EDNRB: variants seen among roughly 807,000 people sequenced by gnomAD.
The protein encoded by EDNRB is Hirschsprung disease 2.
A neutral mutation model predicts 46.4 loss-of-function variants in EDNRB; 18 were observed. The ratio of observed to expected loss-of-function variants is 0.39; its 90% CI spans 0.27 to 0.57. The LOEUF is 0.57. Among genes scored for constraint, EDNRB ranks in the 20% least tolerant of loss-of-function variants. The probability of loss-of-function intolerance (pLI) is 0.61; values close to 1 mark genes in which losing one functional copy is unlikely to be tolerated. For synonymous variants in EDNRB, 213 were observed against 204.9 expected, an observed-to-expected ratio of 1.04 and a Z score of -0.34; for missense variants, 434 against 537.5, an observed-to-expected ratio of 0.81 and a Z score of 1.90.
At chr13:77,969,685 G>A (rs1881675129) in intron 1 of EDNRB, among the ~76,000 whole-genome samples, 1 of 152,168 alleles carries the variant, frequency 6.6e-6, no homozygotes, top group Admixed American at 6.5e-5. Flanking sequence ...TTACCCGCCT[G>A]CACCATTTTC....
chr13:77,961,544 G>A (rs1011927214), intron 1 of EDNRB, among the ~76,000 whole-genome samples: 6 of 152,262 alleles, frequency 3.9e-5, no homozygotes, highest in East Asian at 1.9e-4. Flanking sequence ...GGTACATAAC[G>A]AAATGAAGGC....
intron 1 of EDNRB, among the ~76,000 whole-genome samples, chr13:77,943,394 CTCTT>C (rs1880807837): frequency 6.6e-6 from 1 of 152,116 alleles, no homozygotes; most frequent in Admixed American, 6.5e-5. Context: ...TTTCATCTCT[CTCTT>C]TATAATCCTT....
At chr13:77,964,724 A>G (rs966040853) in intron 1 of EDNRB, among the ~76,000 whole-genome samples, 3 of 152,194 alleles carry the variant, frequency 2.0e-5, no homozygotes, top group Admixed American at 6.5e-5. Context: ...ACATGTATAC[A>G]TATGTAACAA....
chr13:77,918,941 C>G (rs1879967652), upstream of EDNRB: 1 of 1,162,238 alleles, frequency 8.6e-7, no homozygotes, highest in Non-Finnish European at 1.1e-6. The surrounding 1 kb of genome is among the most constrained non-coding windows in gnomAD (Gnocchi z 4.5). Context: ...CGAACTCTTT[C>G]ACGTAACGGG....
Position 77,918,031 on chromosome 13 carries a change from C to G in EDNRB, c.483+60G>C, listed in dbSNP as rs561795467. Reference sequence around the variant, plus strand: ...CTCCCTCTACAAGCTTTCTCATCTCCCCGTCTCCAACCAGGCCCCCTTCCT... The same window carrying G: ...CTCCCTCTACAAGCTTTCTCATCTCGCCGTCTCCAACCAGGCCCCCTTCCT... On this transcript the variant is annotated intron_variant, in intron 1 of 6. Transcript: ENST00000646607. This position sits in a 1 kb window ranked among gnomAD's most constrained non-coding sequence, Gnocchi z 4.5. 2.5e-6 allele frequency: 4 copies of G among 1,612,098 alleles called. No homozygotes were observed. The highest frequency in any genetic ancestry group is 3.4e-6 in the Non-Finnish European group (4 of 1,179,882).
At chr13:77,947,272 T>C (rs1880949423) in intron 1 of EDNRB, among the ~76,000 whole-genome samples, 1 of 151,700 alleles carries the variant, frequency 6.6e-6, no homozygotes, top group Admixed American at 6.6e-5. Context: ...GATTTCCTAT[T>C]GGATGACCAC....
At chr13:77,909,738 T>G (rs1209070586) in intron 1 of EDNRB, among the ~76,000 whole-genome samples, 1 of 152,094 alleles carries the variant, frequency 6.6e-6, no homozygotes, top group African/African-American at 2.4e-5. Context: ...GATGAGTGGA[T>G]GAATGAATTT....
chr13:77,950,325 G>A (rs1881056196), intron 1 of EDNRB, among the ~76,000 whole-genome samples: 1 of 152,174 alleles, frequency 6.6e-6, no homozygotes, highest in Non-Finnish European at 1.5e-5. Flanking sequence ...AGGTTGATAG[G>A]AGGCTCCACT....
chr13:77,942,156 A>G (rs1167818858), intron 1 of EDNRB, among the ~76,000 whole-genome samples: 1 of 152,136 alleles, frequency 6.6e-6, no homozygotes, highest in African/African-American at 2.4e-5. Flanking sequence ...CTTGAGCACA[A>G]TCCCTGAAAT....
At chr13:77,905,591 A>G (rs916068967) in intron 1 of EDNRB, among the ~76,000 whole-genome samples, 1 of 151,960 alleles carries the variant, frequency 6.6e-6, no homozygotes, top group Admixed American at 6.6e-5. Flanking sequence ...AAACACATAC[A>G]TACTTAAAAT....
In EDNRB at chr13:77,896,574, CA is replaced by C. The variant is rs747520680; in HGVS notation, c.*1625del. On this transcript the variant is annotated 3_prime_UTR_variant, in exon 7 of 7. Transcript: ENST00000646607. ...GTGGCCCAGCCTATTAAAAGAAAAA[CA>C]AAGTAAAAATTTGGGCATATTTTAA... is the stretch of plus-strand genomic sequence containing the variant. The C allele has an allele frequency of 3.2e-6, 5 of 1,546,450 alleles. No homozygotes were observed. Among genetic ancestry groups the C allele is most frequent in the Non-Finnish European group, 4.4e-6 (5 of 1,144,926 alleles).
intron 1 of EDNRB, among the ~76,000 whole-genome samples, chr13:77,970,859 T>A (rs1432158276): frequency 1.3e-5 from 2 of 152,192 alleles, no homozygotes; most frequent in Non-Finnish European, 2.9e-5. Context: ...ACTTGATGTA[T>A]ACACTGGGAA....
Position 77,903,483 on chromosome 13 carries a change from A to G in EDNRB, c.596+12T>C. ...TATTCAGAATATACTTGGATTAAAT[A>G]GAAGCTTCTACCTGTCAATACTCAG... On this transcript the variant is annotated intron_variant, in intron 2 of 6. Coordinates refer to ENST00000646607, the MANE Select transcript of EDNRB (RefSeq NM_001122659.3). 6 of 1,612,134 alleles carry G rather than the reference A, an allele frequency of 3.7e-6. No homozygotes were observed. The highest frequency in any genetic ancestry group is 5.1e-6 in the Non-Finnish European group (6 of 1,178,622).
At chr13:77,908,021 C>CAAAAA (rs1215042889) in intron 1 of EDNRB, among the ~76,000 whole-genome samples, 1 of 55,104 alleles carries the variant, frequency 1.8e-5, no homozygotes, top group African/African-American at 6.3e-5. Context: ...AAAGAGACTG[C>CAAAAA]AAAAAAAAAA....
At chr13:77,950,172 A>G (rs550890432) in intron 1 of EDNRB, among the ~76,000 whole-genome samples, 3 of 152,192 alleles carry the variant, frequency 2.0e-5, no homozygotes, top group Non-Finnish European at 4.4e-5. Context: ...AAACTTATCT[A>G]TGAATTTTCC....
chr13:77,900,083 T>G (rs1296559426), intron 5 of EDNRB, 116 bp from the exon 6 acceptor site: 17 of 807,572 alleles, frequency 2.1e-5, no homozygotes, highest in Non-Finnish European at 2.1e-6. Flanking sequence ...GGTTCTAAAT[T>G]TATCACTCGT....
At position 77,918,564 on chromosome 13, in the gene EDNRB, G is replaced by C. The variant is rs777992864; in HGVS notation, c.10C>G (p.Pro4Ala). The change falls in exon 1 of 7, where the codon CCT becomes GCT. Residue 4 changes from proline (P) to alanine (A), a missense_variant. Pro to Ala is a conservative substitution (Grantham distance 27, BLOSUM62 -1). Transcript: ENST00000646607. The surrounding 1 kb of genome is among the most constrained non-coding windows in gnomAD (Gnocchi z 4.5). ...AGGGCGCGTCCGCACAGACTTGGAGGCGGCTGCATGCTGCTACCTGCTCCA... is the reference window on the plus strand; with the variant it reads ...AGGGCGCGTCCGCACAGACTTGGAGCCGGCTGCATGCTGCTACCTGCTCCA... Reference protein sequence around the residue: MQPPPSLCGRALVA... With the variant: MQPAPSLCGRALVA... The C allele has an allele frequency of 1.3e-6, 2 of 1,596,432 alleles. No homozygotes were observed. The highest frequency in any genetic ancestry group is 2.3e-5 in the South Asian group (2 of 88,232).
At chr13:77,907,742 G>A (rs1282643719) in intron 1 of EDNRB, among the ~76,000 whole-genome samples, 1 of 151,890 alleles carries the variant, frequency 6.6e-6, no homozygotes, top group Admixed American at 6.6e-5. Context: ...CCATTGAAGG[G>A]AAAGAAGTCT....
intron 1 of EDNRB, among the ~76,000 whole-genome samples, chr13:77,928,685 GCTT>G (rs1310162406): frequency 1.3e-5 from 2 of 152,096 alleles, no homozygotes; most frequent in Admixed American, 1.3e-4. Flanking sequence ...ACATAACACA[GCTT>G]CTCTGAAGTC....
Sources: allele counts gnomAD v4.1 joint callset (sites outside exome capture counted in the v4.1 genomes callset), GRCh38; gene constraint gnomAD v4.1.1; non-coding constraint Gnocchi (gnomAD v3.1); transcripts MANE v1.5; gene names NCBI Gene and HGNC (gene_info 2026-07-23, HGNC 2026-07-21).